The following AGAP1 variants were observed in gnomAD, a reference collection of about 807,000 sequenced individuals.
AGAP1 encodes arf-GAP with GTPase, ANK repeat and PH domain-containing protein 1.
Under a neutral mutation model 105.3 loss-of-function variants are expected in AGAP1, and 29 were observed. The observed-to-expected ratio is 0.28, with a 90% CI of 0.21 to 0.38. AGAP1 has a LOEUF of 0.38. AGAP1 is among the 10% of genes least tolerant of loss of function. The probability of loss-of-function intolerance (pLI) is 1.00; values close to 1 mark genes in which losing one functional copy is unlikely to be tolerated. For synonymous variants in AGAP1, 509 were observed against 485.9 expected, an observed-to-expected ratio of 1.05 and a Z score of -0.63; for missense variants, 998 against 1,165.1, an observed-to-expected ratio of 0.86 and a Z score of 2.09.
Position 235,845,678 on chromosome 2 carries a change from A to C in AGAP1, c.1051-37667A>C, listed in dbSNP as rs548695640. Reference sequence around the variant, plus strand: ...ATCTGCTTGTCTTTGCCTCTCGGTGACATCCACGGAGTCACCCAAGTCACC... The same window carrying C: ...ATCTGCTTGTCTTTGCCTCTCGGTGCCATCCACGGAGTCACCCAAGTCACC... On this transcript the variant is annotated intron_variant, in intron 9 of 17. Coordinates refer to ENST00000304032, the MANE Select transcript of AGAP1 (RefSeq NM_001037131.3). The surrounding 1 kb of genome is among the most constrained non-coding windows in gnomAD (Gnocchi z 4.8). Among the ~76,000 whole-genome samples the C allele has an allele frequency of 2.0e-5, 3 of 151,226 alleles. No individual in the cohort carries two copies. Among genetic ancestry groups the C allele is most frequent in the Admixed American group, 1.3e-4 (2 of 15,164 alleles).
intron 8 of AGAP1, among the ~76,000 whole-genome samples, chr2:235,805,701 TAAAAA>T (rs2150084481): frequency 6.6e-6 from 1 of 152,330 alleles, no homozygotes; most frequent in Admixed American, 6.5e-5. Flanking sequence ...AAGAATTAAT[TAAAAA>T]GAAAAATGAG....
chr2:235,995,740 C>G (rs1344394714), intron 13 of AGAP1, among the ~76,000 whole-genome samples: 1 of 152,200 alleles, frequency 6.6e-6, no homozygotes, highest in Non-Finnish European at 1.5e-5. Context: ...TTCCATCTCT[C>G]TGTCTCGGAG....
rs192194631 is a variant in AGAP1 at position 235,723,114 on chromosome 2, A to G, written c.310+5470A>G. ...CTCTGCTGGTGTTCTAGAACCTCACAAGGACTCATCGGCTGGCAGTGACCT... is the reference window on the plus strand; with the variant it reads ...CTCTGCTGGTGTTCTAGAACCTCACGAGGACTCATCGGCTGGCAGTGACCT... On this transcript the variant is annotated intron_variant, in intron 3 of 17. Coordinates refer to ENST00000304032, the MANE Select transcript of AGAP1 (RefSeq NM_001037131.3). The surrounding 1 kb of genome is among the most constrained non-coding windows in gnomAD (Gnocchi z 6.2). Among the ~76,000 whole-genome samples the G allele has an allele frequency of 5.3e-5, 8 of 152,282 alleles. No individual in the cohort carries two copies. Among genetic ancestry groups the G allele is most frequent in the Admixed American group, 5.2e-4 (8 of 15,298 alleles).
intron 1 of AGAP1, among the ~76,000 whole-genome samples, chr2:235,589,160 T>C (rs1042529472): frequency 6.7e-6 from 1 of 149,614 alleles, no homozygotes; most frequent in East Asian, 1.9e-4. Context: ...GAAAAGGAGA[T>C]TTTGAGAACT....
intron 6 of AGAP1, among the ~76,000 whole-genome samples, chr2:235,775,979 C>A (rs2292706): frequency 6.6e-5 from 10 of 152,026 alleles, no homozygotes; most frequent in African/African-American, 1.7e-4. Context: ...AGCTTCTGTC[C>A]TTTGAAGGTT....
intron 13 of AGAP1, among the ~76,000 whole-genome samples, chr2:236,018,599 C>G (rs1250510481): frequency 6.6e-6 from 1 of 152,124 alleles, no homozygotes; most frequent in Non-Finnish European, 1.5e-5. Context: ...CTTCCAGTAC[C>G]TAAATAGATA....
intron 1 of AGAP1, among the ~76,000 whole-genome samples, chr2:235,539,149 G>A (rs912038922): frequency 2.7e-4 from 41 of 152,212 alleles, no homozygotes; most frequent in Non-Finnish European, 4.6e-4. Context: ...GTGCAGCCTC[G>A]CAGAGATTGC....
At position 235,931,527 on chromosome 2, in the gene AGAP1, G is replaced by T. The variant is rs147423979; in HGVS notation, c.1483+604G>T. Among the ~76,000 whole-genome samples the T allele has an allele frequency of 2.6e-5, 4 of 151,948 alleles. No homozygotes were observed. Among genetic ancestry groups the T allele is most frequent in the Non-Finnish European group, 5.9e-5 (4 of 67,990 alleles). On this transcript the variant is annotated intron_variant, in intron 12 of 17. Transcript: ENST00000304032. The surrounding 1 kb of genome is among the most constrained non-coding windows in gnomAD (Gnocchi z 5.6). ...AACGATCTCGCCGTCTGTGTGGAGC[G>T]TGAATGACGCAGCACCGAGGGCACC... is the stretch of plus-strand genomic sequence containing the variant.
intron 1 of AGAP1, among the ~76,000 whole-genome samples, chr2:235,619,714 G>T (rs974466784): frequency 6.6e-6 from 1 of 152,206 alleles, no homozygotes; most frequent in Non-Finnish European, 1.5e-5. Context: ...GGACAAGATT[G>T]CCAAGAGGCG....
intron 1 of AGAP1, among the ~76,000 whole-genome samples, chr2:235,529,969 C>G (rs1410234724): frequency 6.6e-6 from 1 of 152,132 alleles, no homozygotes; most frequent in Non-Finnish European, 1.5e-5. Flanking sequence ...GGAGCCTTTG[C>G]CATCTGAAGC....
At chr2:235,857,505 G>C (rs1559570391) in intron 9 of AGAP1, among the ~76,000 whole-genome samples, 1 of 152,188 alleles carries the variant, frequency 6.6e-6, no homozygotes, top group South Asian at 2.1e-4. Flanking sequence ...CTCACAGTGT[G>C]TGTGCATGTC....
intron 1 of AGAP1, among the ~76,000 whole-genome samples, chr2:235,650,005 G>A (rs1575041142): frequency 6.6e-6 from 1 of 152,174 alleles, no homozygotes; most frequent in African/African-American, 2.4e-5. Flanking sequence ...AACATCCTCT[G>A]CCATCAGAAA....
chr2:235,529,350 T>A (rs1394784394), intron 1 of AGAP1, among the ~76,000 whole-genome samples: 1 of 152,228 alleles, frequency 6.6e-6, no homozygotes, highest in East Asian at 1.9e-4. Flanking sequence ...ATTGGTGACC[T>A]CTTATAATAA....
At chr2:235,658,540 C>T (rs2149335162) in intron 1 of AGAP1, among the ~76,000 whole-genome samples, 1 of 152,230 alleles carries the variant, frequency 6.6e-6, no homozygotes, top group South Asian at 2.1e-4. Flanking sequence ...AGGTGTGGAG[C>T]AGAGTGTCCG....
chr2:235,823,864 G>A (rs956779654), intron 9 of AGAP1, among the ~76,000 whole-genome samples: 17 of 152,114 alleles, frequency 1.1e-4, no homozygotes, highest in African/African-American at 2.2e-4. Context: ...TATGTATCTA[G>A]CAGGCTCATT....
rs888765284 is a variant in AGAP1 at position 235,973,636 on chromosome 2, C to T, written c.1645+5013C>T. Among the ~76,000 whole-genome samples the T allele has an allele frequency of 1.3e-5, 2 of 152,166 alleles. No individual in the cohort carries two copies. The highest frequency in any genetic ancestry group is 2.9e-5 in the Non-Finnish European group (2 of 68,026). ...CTGATGGAAGGTTTGCAAAGAAGGGCGTCCCAACTTGTCCTGGATGGCCCA... is the reference window on the plus strand; with the variant it reads ...CTGATGGAAGGTTTGCAAAGAAGGGTGTCCCAACTTGTCCTGGATGGCCCA... On this transcript the variant is annotated intron_variant, in intron 13 of 17. Transcript: ENST00000304032. This position sits in a 1 kb window ranked among gnomAD's most constrained non-coding sequence, Gnocchi z 4.7.
rs533689812 is a variant in AGAP1 at position 235,934,064 on chromosome 2, G to T, written c.1483+3141G>T. 2.6e-5 allele frequency among the ~76,000 whole-genome samples: 4 copies of T among 152,242 alleles called. No individual in the cohort carries two copies. The highest frequency in any genetic ancestry group is 4.1e-4 in the South Asian group (2 of 4,824). On this transcript the variant is annotated intron_variant, in intron 12 of 17. Coordinates refer to ENST00000304032, the MANE Select transcript of AGAP1 (RefSeq NM_001037131.3). The surrounding 1 kb of genome is among the most constrained non-coding windows in gnomAD (Gnocchi z 4.9). ...AGGGGCCAGGATTCAAACTCAGGTG[G>T]CCCGATTCAGCTCTCCATCACTGCA...
Position 235,494,477 on chromosome 2 carries a change from C to G in AGAP1, c.-210C>G, listed in dbSNP as rs1941216335. On this transcript the variant is annotated 5_prime_UTR_variant, in exon 1 of 18. Transcript: ENST00000304032. The stretch of plus-strand genomic sequence containing the variant: ...CCCGGGACGCCGGGGCCCGCTCGCT[C>G]GCCGGCCGCGCGTCCCGGCCATGAA... 1 of 143,394 alleles carries G rather than the reference C, an allele frequency of 7.0e-6. No individual in the cohort carries two copies. Among genetic ancestry groups the G allele is most frequent in the South Asian group, 2.1e-4 (1 of 4,696 alleles). The allele number at this position is 143,394 out of a possible 1,614,324, so 8.9% of individuals were successfully genotyped here. A position where few individuals can be genotyped will look rare whatever the true frequency, so the allele number is the denominator to read the frequency against.
chr2:236,071,180 C>T (rs924978389), intron 16 of AGAP1, among the ~76,000 whole-genome samples: 1 of 152,202 alleles, frequency 6.6e-6, no homozygotes, highest in African/African-American at 2.4e-5. Flanking sequence ...GTGGCCTTAG[C>T]CCCGAATAAT....
Sources: gnomAD v4.1 joint callset for allele counts (sites outside exome capture counted in the v4.1 genomes callset) on GRCh38, gnomAD v4.1.1 for gene constraint, Gnocchi (gnomAD v3.1) non-coding constraint, MANE v1.5 for transcripts, NCBI Gene and HGNC (gene_info 2026-07-23, HGNC 2026-07-21) for gene names.